HORMAD2: variants seen among roughly 807,000 people sequenced by gnomAD.
The protein encoded by HORMAD2 is HORMA domain-containing protein 2.
HORMAD2 carries 45 observed loss-of-function variants against 38.8 expected under a neutral mutation model. The ratio of observed to expected loss-of-function variants is 1.16; its 90% CI spans 0.91 to 1.49. The LOEUF is 1.49. HORMAD2 is among the 40% of genes most tolerant of loss of function. The pLI is 0.00. For missense variants in HORMAD2, 338 were observed against 367.0 expected (o/e 0.92, Z 0.65); for synonymous variants, 126 against 122.8 (o/e 1.03, Z -0.17).
intron 10 of HORMAD2, among the ~76,000 whole-genome samples, chr22:30,135,968 AG>A (rs1359715994): frequency 6.6e-6 from 1 of 152,246 alleles, no homozygotes; most frequent in Non-Finnish European, 1.5e-5. Context: ...ACCAGTCAGT[AG>A]AGGCAAGCCC....
At chr22:30,118,213 A>C (rs780326070) in intron 7 of HORMAD2, among the ~76,000 whole-genome samples, 6 of 152,084 alleles carry the variant, frequency 3.9e-5, no homozygotes, top group Non-Finnish European at 8.8e-5. Context: ...AGTCTCCTTT[A>C]TCACCTCATT....
chr22:30,166,889 A>G (rs1215118493), intron 10 of HORMAD2, among the ~76,000 whole-genome samples: 1 of 152,232 alleles, frequency 6.6e-6, no homozygotes, highest in African/African-American at 2.4e-5. Context: ...TGTTTTCTTA[A>G]ATCTAGAGGA....
the HORMAD2 span, among the ~76,000 whole-genome samples, chr22:30,187,712 C>T: frequency 6.6e-6 from 1 of 152,090 alleles, no homozygotes; most frequent in African/African-American, 2.4e-5. Context: ...GCTGATTTAG[C>T]AGATGCATTT....
chr22:30,150,578 G>A (rs1200836343), intron 10 of HORMAD2, among the ~76,000 whole-genome samples: 3 of 152,090 alleles, frequency 2.0e-5, no homozygotes, highest in Non-Finnish European at 4.4e-5. Context: ...TAAAGAGTGG[G>A]GGAACTATGA....
rs186006992 is a variant in HORMAD2 at position 30,137,396 on chromosome 22, C to A, written c.819+15182C>A. ...TACCAATCTTTCTTAGAAAATGGGT[C>A]AAGGTATTTGAGCCCAGGAGGTCAA... On this transcript the variant is annotated intron_variant, in intron 10 of 10. Coordinates refer to ENST00000336726, the MANE Select transcript of HORMAD2 (RefSeq NM_152510.4). 16 of 463,974 alleles carry A rather than the reference C, an allele frequency of 3.4e-5. No homozygotes were observed. The East Asian group carries it at 8.7e-4, about 25-fold the overall frequency. The allele number at this position is 463,974 out of a possible 1,614,324, so 28.7% of individuals were successfully genotyped here. A position where few individuals can be genotyped will look rare whatever the true frequency, so the allele number is the denominator to read the frequency against.
At chr22:30,141,260 A>G (rs1213469540) in intron 10 of HORMAD2, among the ~76,000 whole-genome samples, 1 of 152,028 alleles carries the variant, frequency 6.6e-6, no homozygotes, top group Non-Finnish European at 1.5e-5. Flanking sequence ...GGCCTCCCAA[A>G]GTGCTGGGAT....
At chr22:30,185,472 T>C in the HORMAD2 span, among the ~76,000 whole-genome samples, 1 of 152,228 alleles carries the variant, frequency 6.6e-6, no homozygotes, top group Admixed American at 6.5e-5. Flanking sequence ...TAAGAGATTA[T>C]GGTGATGATA....
chr22:30,199,277 T>C, the HORMAD2 span, among the ~76,000 whole-genome samples: 1 of 152,232 alleles, frequency 6.6e-6, no homozygotes, highest in African/African-American at 2.4e-5. Context: ...CCTCTCCCCC[T>C]TTCTTTCTCC....
At chr22:30,153,204 C>T (rs1192078559) in intron 10 of HORMAD2, among the ~76,000 whole-genome samples, 2 of 152,112 alleles carry the variant, frequency 1.3e-5, no homozygotes, top group Non-Finnish European at 2.9e-5. Context: ...CCTGTTCTTA[C>T]TGCCAAAACT....
At chr22:30,203,857 C>T in the HORMAD2 span, among the ~76,000 whole-genome samples, 27 of 152,190 alleles carry the variant, frequency 1.8e-4, no homozygotes, top group African/African-American at 5.6e-4. Context: ...CTGCACCTTA[C>T]ATCTTCACAC....
chr22:30,121,632 T>C lies in HORMAD2; in HGVS notation c.411T>C (p.Ser137=). 1 of 1,583,312 alleles carries C rather than the reference T, an allele frequency of 6.3e-7. No individual in the cohort carries two copies. The highest frequency in any genetic ancestry group is 8.6e-7 in the Non-Finnish European group (1 of 1,164,974). Residue 137 remains serine, a splice_region_variant and synonymous_variant, in exon 9 of 11, where the codon AGT becomes AGC. Transcript: ENST00000336726. The stretch of plus-strand genomic sequence containing the variant: ...AAAGTATGCTTTTTTTTCTGTGTAG[T>C]CATAGCAGCAGTACAAGCTTTGAAA... The part of the protein sequence containing the change: ...TKEGATMDFD[S]HSSSTSFESG...
At chr22:30,168,486 C>T (rs1179187033) in intron 10 of HORMAD2, among the ~76,000 whole-genome samples, 1 of 152,134 alleles carries the variant, frequency 6.6e-6, no homozygotes, top group Non-Finnish European at 1.5e-5. Context: ...ATACCTCATT[C>T]CAATTCAGAA....
the HORMAD2 span, among the ~76,000 whole-genome samples, chr22:30,199,946 C>T: frequency 4.0e-5 from 6 of 151,756 alleles, no homozygotes; most frequent in Non-Finnish European, 8.8e-5. Context: ...CCTGTCTCTA[C>T]TAAAAATGCA....
At chr22:30,094,347 C>T (rs904150307) in intron 2 of HORMAD2, among the ~76,000 whole-genome samples, 15 of 152,052 alleles carry the variant, frequency 9.9e-5, no homozygotes, top group African/African-American at 3.4e-4. Context: ...TGTTGCACAC[C>T]ATGGTGTAAT....
chr22:30,172,077 A>G lies in HORMAD2; in HGVS notation c.820-3986A>G, dbSNP rs1278432917. On this transcript the variant is annotated intron_variant, in intron 10 of 10. Transcript: ENST00000336726. ...TGGAGGTGTGAGCATTTTTCTGAGGAGAGAGTGCATAGCTTTCATCAGGGT... is the reference window on the plus strand; with the variant it reads ...TGGAGGTGTGAGCATTTTTCTGAGGGGAGAGTGCATAGCTTTCATCAGGGT... Among the ~76,000 whole-genome samples, 3 of 152,242 alleles carry G rather than the reference A, an allele frequency of 2.0e-5. No individual in the cohort carries two copies. The East Asian group carries it at 5.8e-4, about 29-fold the overall frequency.
At chr22:30,134,569 T>C (rs538545002) in intron 10 of HORMAD2, among the ~76,000 whole-genome samples, 1 of 151,442 alleles carries the variant, frequency 6.6e-6, no homozygotes, top group East Asian at 1.9e-4. Flanking sequence ...ACTGGTCTTC[T>C]GAAGTCTTAG....
intron 10 of HORMAD2, among the ~76,000 whole-genome samples, chr22:30,172,469 A>G (rs1213881545): frequency 1.3e-5 from 2 of 152,208 alleles, no homozygotes; most frequent in African/African-American, 2.4e-5. Flanking sequence ...TTGTATTACT[A>G]GAGATATGTT....
At chr22:30,104,916 G>A (rs1921071386) in intron 5 of HORMAD2, among the ~76,000 whole-genome samples, 1 of 152,160 alleles carries the variant, frequency 6.6e-6, no homozygotes, top group Non-Finnish European at 1.5e-5. Context: ...AAAAAATACA[G>A]CTTAAATTTT....
At chr22:30,106,797 C>T (rs868150913) in intron 5 of HORMAD2, among the ~76,000 whole-genome samples, 5 of 152,186 alleles carry the variant, frequency 3.3e-5, no homozygotes, top group Admixed American at 2.0e-4. Context: ...ATAGAATCCA[C>T]TTGTTAAGGA....
Sources: gnomAD v4.1 joint callset for allele counts (sites outside exome capture counted in the v4.1 genomes callset) on GRCh38, gnomAD v4.1.1 for gene constraint, MANE v1.5 for transcripts, NCBI Gene and HGNC (gene_info 2026-07-23, HGNC 2026-07-21) for gene names.